The following CARHSP1 variants were observed in gnomAD, a reference collection of about 807,000 sequenced individuals.
CARHSP1 encodes the protein calcium-regulated heat-stable protein 1.
A neutral mutation model predicts 12.5 loss-of-function variants in CARHSP1; 14 were observed. The observed-to-expected ratio is 1.12, with a 90% CI of 0.74 to 1.75. The LOEUF is 1.75. CARHSP1 is among the 40% of genes most tolerant of loss of function. CARHSP1 has a pLI of 0.00. For missense variants in CARHSP1, 343 were observed against 201.6 expected (o/e 1.70, Z -4.25); for synonymous variants, 161 against 82.0 (o/e 1.96, Z -5.20).
At chr16:8,858,205 G>T in intron 3 of CARHSP1, 145 bp downstream of exon 3, 2 of 957,222 alleles carry the variant, frequency 2.1e-6, no homozygotes, top group East Asian at 2.6e-5. Flanking sequence ...AGCACAGCTG[G>T]AGCACCAGCC....
intron 1 of CARHSP1, among the ~76,000 whole-genome samples, chr16:8,865,341 C>A (rs1390885475): frequency 6.6e-6 from 1 of 152,170 alleles, no homozygotes; most frequent in Non-Finnish European, 1.5e-5. Flanking sequence ...GACTCCTGAC[C>A]TCTCATGATT....
chr16:8,856,651 CCCCATTGCAGTGGGCT>C (rs2061121654), intron 3 of CARHSP1, among the ~76,000 whole-genome samples: 1 of 152,136 alleles, frequency 6.6e-6, no homozygotes, highest in Non-Finnish European at 1.5e-5. Context: ...GGGGTAACTC[CCCCATTGCAGTGGGCT>C]CCTCTTTTCA....
intron 1 of CARHSP1, chr16:8,867,952 C>G (rs1176944930): frequency 1.3e-5 from 2 of 152,354 alleles, no homozygotes; most frequent in South Asian, 2.1e-4. Context: ...TAAGTTCCCT[C>G]TGGCTTCAGA....
At position 8,855,186 on chromosome 16, in the gene CARHSP1, G is replaced by C. The variant is rs759243684; in HGVS notation, c.422C>G (p.Ser141Cys). Residue 141 changes from serine to cysteine, a missense_variant, in exon 4 of 4, where the codon TCT becomes TGT. Physicochemically the swap from Ser to Cys is moderately radical, Grantham distance 112 (BLOSUM62 -1). Transcript: ENST00000311052. ...LAPGTKHETWSGHVISS is the reference protein window; with the variant it reads ...LAPGTKHETWCGHVISS The stretch of plus-strand genomic sequence containing the variant: ...CTCCTAGGAGCTGATGACATGTCCA[G>C]ACCAGGTCTCATGCTTGGTGCCTGG... The C allele has an allele frequency of 6.2e-7, 1 of 1,610,872 alleles. No individual in the cohort carries two copies. The highest frequency in any genetic ancestry group is 1.1e-5 in the South Asian group (1 of 90,650).
Position 8,855,054 on chromosome 16 carries a change from T to C in CARHSP1, c.*110A>G. The C allele has an allele frequency of 1.8e-5, 13 of 717,824 alleles. No homozygotes were observed. Among genetic ancestry groups the C allele is most frequent in the Non-Finnish European group, 2.5e-5 (13 of 515,830 alleles). The allele number at this position is 717,824 out of a possible 1,614,324, so 44.5% of individuals were successfully genotyped here. On this transcript the variant is annotated 3_prime_UTR_variant, in exon 4 of 4. Transcript: ENST00000311052. ...TCCAGGAGATACTTGAGAGGGACCA[T>C]GCCCGGCTGAAGCCCCGTCTCGTGT...
intron 3 of CARHSP1, among the ~76,000 whole-genome samples, chr16:8,856,156 C>T (rs1304924942): frequency 6.6e-6 from 1 of 152,162 alleles, no homozygotes; most frequent in Non-Finnish European, 1.5e-5. Flanking sequence ...AAGCTAGTTC[C>T]TGGAGGGGCC....
In CARHSP1 at chr16:8,857,263, G is replaced by GTTTTTTGTTTTTTTTTTTTTTTTT. The variant is rs1315960023; in HGVS notation, c.281+1086_281+1087insAAAAAAAAAAAAAAAAACAAAAAA. Among the ~76,000 whole-genome samples, 10 of 57,032 alleles carry GTTTTTTGTTTTTTTTTTTTTTTTT rather than the reference G, an allele frequency of 1.8e-4. 1 individual carries two copies. The highest frequency in any genetic ancestry group is 8.9e-4 in the East Asian group (1 of 1,120). The allele number at this position is 57,032 out of a possible 152,430, so 37.4% of individuals were successfully genotyped here. On this transcript the variant is annotated intron_variant, in intron 3 of 3. Coordinates refer to ENST00000311052, the MANE Select transcript of CARHSP1 (RefSeq NM_014316.4). ...TGGCTATGTGATCTTGGGCAGATCTGTTTTTTTTTTTTTTTTTTTTTTTTT... is the reference window on the plus strand; with the variant it reads ...TGGCTATGTGATCTTGGGCAGATCTGTTTTTTGTTTTTTTTTTTTTTTTTTTTTTTTTTTTTTTTTTTTTTTTTT...
At chr16:8,861,560 G>C in intron 1 of CARHSP1, 1 of 1,245,592 alleles carries the variant, frequency 8.0e-7, no homozygotes. Flanking sequence ...TCCCTGAAAT[G>C]TCAGAACCCC....
chr16:8,860,078 C>A (rs2061301725), intron 1 of CARHSP1: 2 of 942,662 alleles, frequency 2.1e-6, no homozygotes, highest in Admixed American at 6.2e-5. Flanking sequence ...AGCCAGACAC[C>A]ACAGGGAAGC....
At chr16:8,858,898 C>T (rs1417917172) in intron 2 of CARHSP1, 4 of 426,602 alleles carry the variant, frequency 9.4e-6, no homozygotes, top group Non-Finnish European at 1.7e-5. Flanking sequence ...GGGAACCAGA[C>T]TCTCATGTGT....
At chr16:8,864,163 GTA>G (rs2061417618) in intron 1 of CARHSP1, among the ~76,000 whole-genome samples, 1 of 152,212 alleles carries the variant, frequency 6.6e-6, no homozygotes, top group Non-Finnish European at 1.5e-5. Flanking sequence ...ATGCACATGT[GTA>G]TGTGTGTGCT....
In CARHSP1 at chr16:8,860,312, G is replaced by C. The variant is rs534296045; in HGVS notation, c.-7-977C>G. On this transcript the variant is annotated intron_variant, in intron 1 of 3. Coordinates refer to ENST00000311052, the MANE Select transcript of CARHSP1 (RefSeq NM_014316.4). The stretch of plus-strand genomic sequence containing the variant: ...TCCACACAGCCCGGGTCACCACGCT[G>C]TTATGAAATCAAATTCCTTCTGTGA... 5 of 984,842 alleles carry C rather than the reference G, an allele frequency of 5.1e-6. No individual in the cohort carries two copies. The South Asian group carries it at 2.4e-4, about 46-fold the overall frequency. 61.0% of individuals were successfully genotyped at this position (984,842 alleles called of 1,614,324 possible).
intron 3 of CARHSP1, chr16:8,857,883 TCCCGAGTAGCTGGGACTACAGGTG>T (rs1296221206): frequency 6.4e-6 from 1 of 157,414 alleles, no homozygotes; most frequent in Non-Finnish European, 1.4e-5. Flanking sequence ...TGCCTCAGCC[TCCCGAGTAGCTGGGACTACAGGTG>T]CCCGCCACCA....
chr16:8,858,367 G>A lies in CARHSP1; in HGVS notation c.264C>T (p.Ile88=), dbSNP rs748955559. The A allele has an allele frequency of 1.2e-6, 2 of 1,613,928 alleles. No individual in the cohort carries two copies. The highest frequency in any genetic ancestry group is 2.2e-5 in the East Asian group (1 of 44,892). The change falls in exon 3 of 4, where the codon ATC becomes ATT. Residue 88 remains isoleucine (I), a synonymous_variant. Coordinates refer to ENST00000311052, the MANE Select transcript of CARHSP1 (RefSeq NM_014316.4). Reference sequence around the variant, plus strand: ...TGACTCACTCAGAGATGTGCAGGAAGATGTCGGGGCCGCCATCAGCTGGAG... The same window carrying A: ...TGACTCACTCAGAGATGTGCAGGAAAATGTCGGGGCCGCCATCAGCTGGAG... The part of the protein sequence containing the change: ...FITPADGGPD[I]FLHISDVEGE...
Position 8,855,017 on chromosome 16 carries a change from C to CCCT in CARHSP1, c.*146_*147insAGG. 1.7e-6 allele frequency: 1 copy of CCCT among 605,934 alleles called. No individual in the cohort carries two copies. Among genetic ancestry groups the CCCT allele is most frequent in the South Asian group, 2.6e-5 (1 of 38,398 alleles). 37.5% of individuals were successfully genotyped at this position (605,934 alleles called of 1,614,324 possible). ...CACCCCACACCCCACACCTGCCCCC[C>CCCT]ATACCCCTTCCTCCAGGAGATACTT... On this transcript the variant is annotated 3_prime_UTR_variant, in exon 4 of 4. Coordinates refer to ENST00000311052, the MANE Select transcript of CARHSP1 (RefSeq NM_014316.4).
At chr16:8,861,933 C>G (rs1220194378) in intron 1 of CARHSP1, 9 of 410,160 alleles carry the variant, frequency 2.2e-5, no homozygotes, top group Non-Finnish European at 2.5e-5. Flanking sequence ...CACTGCCCTG[C>G]CTTGTTCTAT....
At chr16:8,857,236 T>C (rs1443784632) in intron 3 of CARHSP1, among the ~76,000 whole-genome samples, 2 of 145,022 alleles carry the variant, frequency 1.4e-5, no homozygotes, top group African/African-American at 2.5e-5. Context: ...TCCATCACTT[T>C]CTGGCTATGT....
At chr16:8,859,636 T>G (rs1164564727) in intron 1 of CARHSP1, among the ~76,000 whole-genome samples, 1 of 151,946 alleles carries the variant, frequency 6.6e-6, no homozygotes, top group Non-Finnish European at 1.5e-5. Context: ...CCGGCACATT[T>G]GGGACACATA....
chr16:8,864,838 T>C (rs2061428631), intron 1 of CARHSP1, among the ~76,000 whole-genome samples: 1 of 152,214 alleles, frequency 6.6e-6, no homozygotes, highest in African/African-American at 2.4e-5. Flanking sequence ...CCGTAGGCTC[T>C]GCAGCTCCTC....
Sources: gnomAD v4.1 joint callset for allele counts (sites outside exome capture counted in the v4.1 genomes callset) on GRCh38, gnomAD v4.1.1 for gene constraint, MANE v1.5 for transcripts, NCBI Gene and HGNC (gene_info 2026-07-23, HGNC 2026-07-21) for gene names.